Variants in HNRNPLL observed in about 807,000 individuals in gnomAD.
HNRNPLL encodes heterogeneous nuclear ribonucleoprotein L-like.
In HNRNPLL, 25 loss-of-function variants were observed where a neutral mutation model predicts 67.1. The observed-to-expected ratio is 0.37, with a 90% CI of 0.27 to 0.52. The LOEUF is 0.52. HNRNPLL is among the 20% of genes least tolerant of loss of function. HNRNPLL has a pLI of 0.90. For missense variants in HNRNPLL, 542 were observed against 673.9 expected (o/e 0.80, Z 2.17); for synonymous variants, 267 against 241.7 (o/e 1.10, Z -0.97).
At chr2:38,583,741 A>G in intron 4 of HNRNPLL, 100 bp downstream of exon 4, 1 of 509,974 alleles carries the variant, frequency 2.0e-6, no homozygotes, top group South Asian at 3.6e-5. Context: ...GATTTTTGTG[A>G]GAGGACAAAG....
chr2:38,567,311 T>TC (rs1188136129), intron 12 of HNRNPLL, among the ~76,000 whole-genome samples: 1 of 152,094 alleles, frequency 6.6e-6, no homozygotes, highest in African/African-American at 2.4e-5. Flanking sequence ...AGACAGGGTT[T>TC]CGCCACATTG....
intron 2 of HNRNPLL, among the ~76,000 whole-genome samples, chr2:38,590,126 C>T (rs898093236): frequency 5.3e-5 from 8 of 152,164 alleles, no homozygotes; most frequent in African/African-American, 1.9e-4. Context: ...TATGCCCATG[C>T]GGATTCTCAA....
At position 38,602,733 on chromosome 2, in the gene HNRNPLL, G is replaced by C; in HGVS notation, c.-107C>G. 1 of 1,486,808 alleles carries C rather than the reference G, an allele frequency of 6.7e-7. No homozygotes were observed. The highest frequency in any genetic ancestry group is 8.9e-7 in the Non-Finnish European group (1 of 1,118,256). The allele number at this position is 1,486,808 out of a possible 1,614,324, so 92.1% of individuals were successfully genotyped here. ...GCCGCCGGCAGCGCCTCTTCTGCGAGGGTCTCCGCGGCCCGGCCGTCCGCG... is the reference window on the plus strand; with the variant it reads ...GCCGCCGGCAGCGCCTCTTCTGCGACGGTCTCCGCGGCCCGGCCGTCCGCG... On this transcript the variant is annotated 5_prime_UTR_variant, in exon 1 of 13. Coordinates refer to ENST00000449105, the MANE Select transcript of HNRNPLL (RefSeq NM_138394.4).
intron 6 of HNRNPLL, among the ~76,000 whole-genome samples, chr2:38,579,516 A>C (rs1269290316): frequency 2.0e-5 from 3 of 152,012 alleles, no homozygotes; most frequent in Non-Finnish European, 4.4e-5. Context: ...AGAAAGTTGA[A>C]CCCTAAATAT....
At chr2:38,569,729 C>T (rs1665998417) in intron 9 of HNRNPLL, 75 bp downstream of exon 9, 2 of 732,150 alleles carry the variant, frequency 2.7e-6, no homozygotes, top group Non-Finnish European at 4.3e-6. Context: ...CTCAAGTTGA[C>T]ATTAATGTCT....
chr2:38,586,233 G>C (rs567184718), intron 2 of HNRNPLL, among the ~76,000 whole-genome samples: 3 of 152,240 alleles, frequency 2.0e-5, no homozygotes, highest in Non-Finnish European at 4.4e-5. Flanking sequence ...GTGTTAGCCA[G>C]GATGGTCTCG....
chr2:38,575,551 C>A (rs994949933), intron 7 of HNRNPLL, among the ~76,000 whole-genome samples: 1 of 151,686 alleles, frequency 6.6e-6, no homozygotes, highest in Non-Finnish European at 1.5e-5. Context: ...TCTGGGCTTC[C>A]CAAATTAAAA....
In HNRNPLL at chr2:38,602,863, A is replaced by G; in HGVS notation, c.-237T>C. 6.5e-7 allele frequency: 1 copy of G among 1,549,446 alleles called. No homozygotes were observed. The highest frequency in any genetic ancestry group is 8.7e-7 in the Non-Finnish European group (1 of 1,146,316). The stretch of plus-strand genomic sequence containing the variant: ...GGCCGCTCCTCTCAATTACCGAGCC[A>G]ACATTCAGCCTCTCCCTCCTCCTCC... On this transcript the variant is annotated 5_prime_UTR_variant, in exon 1 of 13. Transcript: ENST00000449105.
chr2:38,591,997 A>G (rs1425600697), intron 1 of HNRNPLL, among the ~76,000 whole-genome samples: 1 of 152,200 alleles, frequency 6.6e-6, no homozygotes, highest in African/African-American at 2.4e-5. Flanking sequence ...AAAAAATTTA[A>G]GTCTAAGTTG....
In HNRNPLL at chr2:38,588,546, C is replaced by CAAAAA. The variant is rs70954733; in HGVS notation, c.309-2670_309-2666dup. Among the ~76,000 whole-genome samples the CAAAAA allele has an allele frequency of 5.1e-4, 26 of 51,006 alleles. 2 individuals carry two copies. Among genetic ancestry groups the CAAAAA allele is most frequent in the Non-Finnish European group, 6.6e-4 (14 of 21,162 alleles). The allele number at this position is 51,006 out of a possible 152,430, so 33.5% of individuals were successfully genotyped here. On this transcript the variant is annotated intron_variant, in intron 2 of 12. Coordinates refer to ENST00000449105, the MANE Select transcript of HNRNPLL (RefSeq NM_138394.4). Reference sequence around the variant, plus strand: ...TGGGTGACAGAGTGAAACTCCATCTCAAAAAAAAAAAAAAAAAAAAAGGGT... The same window carrying CAAAAA: ...TGGGTGACAGAGTGAAACTCCATCTCAAAAAAAAAAAAAAAAAAAAAAAAAAGGGT...
At position 38,598,309 on chromosome 2, in the gene HNRNPLL, T is replaced by C. The variant is rs764642952; in HGVS notation, c.189+4129A>G. 4.6e-5 allele frequency among the ~76,000 whole-genome samples: 7 copies of C among 152,262 alleles called. 1 individual carries two copies. Among genetic ancestry groups the C allele is most frequent in the Middle Eastern group, 3.4e-3 (1 of 294 alleles). Reference sequence around the variant, plus strand: ...TAGCTATAAGAATGTCAGCCTAGCTTTACCACTATACAGAGAAAAGGAGAA... The same window carrying C: ...TAGCTATAAGAATGTCAGCCTAGCTCTACCACTATACAGAGAAAAGGAGAA... On this transcript the variant is annotated intron_variant, in intron 1 of 12. Transcript: ENST00000449105.
chr2:38,602,673 G>C lies in HNRNPLL; in HGVS notation c.-47C>G. On this transcript the variant is annotated 5_prime_UTR_variant, in exon 1 of 13. Coordinates refer to ENST00000449105, the MANE Select transcript of HNRNPLL (RefSeq NM_138394.4). Reference sequence around the variant, plus strand: ...CTGGCAGGCGGGTGGGGGTGGCGGTGGGGCGCGCGCCTCGGATGCCGCCGG... The same window carrying C: ...CTGGCAGGCGGGTGGGGGTGGCGGTCGGGCGCGCGCCTCGGATGCCGCCGG... 1 of 1,439,038 alleles carries C rather than the reference G, an allele frequency of 6.9e-7. No homozygotes were observed. Among genetic ancestry groups the C allele is most frequent in the Non-Finnish European group, 9.1e-7 (1 of 1,102,366 alleles). The allele number at this position is 1,439,038 out of a possible 1,614,324, so 89.1% of individuals were successfully genotyped here. A position where few individuals can be genotyped will look rare whatever the true frequency, so the allele number is the denominator to read the frequency against.
rs1666693360 is a variant in HNRNPLL, at chr2:38,585,615, A to G, written c.546+29T>C. On this transcript the variant is annotated intron_variant, in intron 3 of 12. Transcript: ENST00000449105. ...GGAGGCAAACTGCAAAATCACTTTTAATTTCATTTGTCATATTAAAACACA... is the reference window on the plus strand; with the variant it reads ...GGAGGCAAACTGCAAAATCACTTTTGATTTCATTTGTCATATTAAAACACA... 4.3e-6 allele frequency: 6 copies of G among 1,407,816 alleles called. 1 individual carries two copies. The highest frequency in any genetic ancestry group is 3.5e-4 in the Middle Eastern group (2 of 5,678). The allele number at this position is 1,407,816 out of a possible 1,614,324, so 87.2% of individuals were successfully genotyped here. A position where few individuals can be genotyped will look rare whatever the true frequency, so the allele number is the denominator to read the frequency against.
intron 6 of HNRNPLL, among the ~76,000 whole-genome samples, chr2:38,579,656 T>TGG (rs1221427519): frequency 6.6e-6 from 1 of 151,944 alleles, no homozygotes; most frequent in Non-Finnish European, 1.5e-5. Context: ...CCTGGCGTCC[T>TGG]GGTTAGGGAT....
rs530648335 is a variant in HNRNPLL, at chr2:38,600,713, T to C, written c.189+1725A>G. On this transcript the variant is annotated intron_variant, in intron 1 of 12. Transcript: ENST00000449105. ...ACGAGCTGCTGCACTCCAGAGCTGC[T>C]GCACTCCAGCCCCGGGCCATAGAGT... 6.0e-5 allele frequency among the ~76,000 whole-genome samples: 9 copies of C among 150,438 alleles called. 2 individuals carry two copies. In the South Asian group the frequency reaches 1.9e-3, roughly 32 times the overall value.
intron 12 of HNRNPLL, among the ~76,000 whole-genome samples, chr2:38,565,303 T>C (rs956088457): frequency 1.3e-5 from 2 of 152,214 alleles, no homozygotes; most frequent in Non-Finnish European, 2.9e-5. Flanking sequence ...ATAATCTATA[T>C]ACTGTCTCTA....
intron 7 of HNRNPLL, 67 bp downstream of exon 7, chr2:38,577,394 C>T (rs1052116611): frequency 3.1e-6 from 3 of 981,098 alleles, no homozygotes; most frequent in African/African-American, 3.2e-5. Flanking sequence ...ATGTGCCATA[C>T]TTCATCAGAA....
At chr2:38,596,234 T>C (rs1339376276) in intron 1 of HNRNPLL, among the ~76,000 whole-genome samples, 1 of 152,186 alleles carries the variant, frequency 6.6e-6, no homozygotes, top group African/African-American at 2.4e-5. Flanking sequence ...TACTATATAC[T>C]GGTGACAAGA....
At chr2:38,581,202 C>G (rs1324277406) in intron 6 of HNRNPLL, 1 of 152,206 alleles carries the variant, frequency 6.6e-6, no homozygotes, top group African/African-American at 2.4e-5. Flanking sequence ...TGCACACAGT[C>G]ACAGTAATGG....
Sources: gnomAD v4.1 joint callset for allele counts (sites outside exome capture counted in the v4.1 genomes callset) on GRCh38, gnomAD v4.1.1 for gene constraint, MANE v1.5 for transcripts, NCBI Gene and HGNC (gene_info 2026-07-23, HGNC 2026-07-21) for gene names.